Variants in EEIG1 observed in about 807,000 individuals in gnomAD.
EEIG1 encodes estrogen-induced osteoclastogenesis regulator 1, also known as early estrogen-induced gene 1 protein.
the EEIG1 span, among the ~76,000 whole-genome samples, chr9:127,958,756 A>G: frequency 3.3e-5 from 5 of 152,194 alleles, no homozygotes; most frequent in African/African-American, 9.7e-5. Context: ...ACCACAAAAT[A>G]AGAAAAAATA....
the EEIG1 span, among the ~76,000 whole-genome samples, chr9:127,977,635 G>T: frequency 3.3e-5 from 5 of 152,220 alleles, no homozygotes; most frequent in African/African-American, 7.2e-5. Context: ...TGCTGCGGCA[G>T]TGTGCCTGGG....
chr9:127,949,720 G>A, the EEIG1 span, among the ~76,000 whole-genome samples: 18 of 152,198 alleles, frequency 1.2e-4, no homozygotes, highest in Admixed American at 1.2e-3. Context: ...GCTCTCCCTG[G>A]GTCCCCTTGC....
At chr9:127,967,434 G>C in the EEIG1 span, among the ~76,000 whole-genome samples, 1 of 152,222 alleles carries the variant, frequency 6.6e-6, no homozygotes, top group Admixed American at 6.5e-5. Context: ...AGGTCTACTG[G>C]CCGGGAGAGG....
chr9:127,941,596 G>C, the EEIG1 span: 1 of 152,134 alleles, frequency 6.6e-6, no homozygotes, highest in African/African-American at 2.4e-5. Flanking sequence ...TGCTGGAAAT[G>C]CTCTGTTCCC....
At chr9:127,949,174 C>T in the EEIG1 span, among the ~76,000 whole-genome samples, 10 of 151,864 alleles carry the variant, frequency 6.6e-5, no homozygotes, top group Non-Finnish European at 1.2e-4. Context: ...ATTAGCCGGG[C>T]GTGGTGGCGG....
the EEIG1 span, among the ~76,000 whole-genome samples, chr9:127,971,535 G>A: frequency 6.6e-6 from 1 of 150,606 alleles, no homozygotes; most frequent in African/African-American, 2.5e-5. Flanking sequence ...GGCCTGAAGA[G>A]GGAATGCGGG....
At chr9:127,973,192 T>C in the EEIG1 span, among the ~76,000 whole-genome samples, 1 of 152,150 alleles carries the variant, frequency 6.6e-6, no homozygotes, top group Admixed American at 6.5e-5. The surrounding 1 kb of genome is among the most constrained non-coding windows in gnomAD (Gnocchi z 4.2). Context: ...GCAGGGTCAC[T>C]GCATAGCAGT....
At chr9:127,962,732 T>C in the EEIG1 span, among the ~76,000 whole-genome samples, 1 of 152,090 alleles carries the variant, frequency 6.6e-6, no homozygotes, top group Non-Finnish European at 1.5e-5. Context: ...AAATAAGATG[T>C]TTATTAAGAA....
chr9:127,980,520 G>C, the EEIG1 span: 1 of 153,170 alleles, frequency 6.5e-6, no homozygotes, highest in Non-Finnish European at 1.5e-5. Flanking sequence ...GCGGCCGGGC[G>C]GACCGGTGAG....
the EEIG1 span, among the ~76,000 whole-genome samples, chr9:127,966,344 G>A: frequency 1.3e-4 from 19 of 151,834 alleles, no homozygotes; most frequent in East Asian, 5.8e-4. Flanking sequence ...ATGGTGGTGC[G>A]TACCTGTAAT....
chr9:127,971,008 A>G, the EEIG1 span, among the ~76,000 whole-genome samples: 1 of 152,180 alleles, frequency 6.6e-6, no homozygotes, highest in East Asian at 1.9e-4. Flanking sequence ...AAGGAGCCCA[A>G]GAATTTGTCT....
chr9:127,964,372 A>G, the EEIG1 span, among the ~76,000 whole-genome samples: 1 of 152,194 alleles, frequency 6.6e-6, no homozygotes, highest in Non-Finnish European at 1.5e-5. Context: ...AGGTGCAACA[A>G]GAAGATCCCA....
At chr9:127,945,533 TG>T in the EEIG1 span, 2 of 1,566,566 alleles carry the variant, frequency 1.3e-6, no homozygotes, top group Admixed American at 1.9e-5. This position sits in a 1 kb window ranked among gnomAD's most constrained non-coding sequence, Gnocchi z 6.5. Context: ...TCTGAGAGGC[TG>T]GAGGAGCGCG....
chr9:127,957,115 G>T, the EEIG1 span, among the ~76,000 whole-genome samples: 1 of 152,130 alleles, frequency 6.6e-6, no homozygotes, highest in Admixed American at 6.5e-5. Context: ...TATAGTTCCA[G>T]CTACTCAGGA....
chr9:127,945,845 C>T, the EEIG1 span: 4 of 845,456 alleles, frequency 4.7e-6, no homozygotes, highest in South Asian at 4.7e-5. This position sits in a 1 kb window ranked among gnomAD's most constrained non-coding sequence, Gnocchi z 6.5. Flanking sequence ...ACAGAGCCTC[C>T]CATGGCAGGG....
At chr9:127,973,082 C>A in the EEIG1 span, among the ~76,000 whole-genome samples, 7 of 152,134 alleles carry the variant, frequency 4.6e-5, no homozygotes, top group Admixed American at 2.0e-4. This position sits in a 1 kb window ranked among gnomAD's most constrained non-coding sequence, Gnocchi z 4.2. Context: ...TGTCTCTCCC[C>A]TGCTTAAACC....
chr9:127,966,895 C>A, the EEIG1 span, among the ~76,000 whole-genome samples: 2 of 152,178 alleles, frequency 1.3e-5, no homozygotes, highest in Non-Finnish European at 2.9e-5. Context: ...TACTCCCAGG[C>A]CCCCCTTCAG....
chr9:127,963,217 G>A, the EEIG1 span, among the ~76,000 whole-genome samples: 1 of 152,220 alleles, frequency 6.6e-6, no homozygotes, highest in Non-Finnish European at 1.5e-5. Context: ...TATGGGTTAG[G>A]AAGGCTGCTT....
chr9:127,969,651 A>G, the EEIG1 span, among the ~76,000 whole-genome samples: 3 of 152,110 alleles, frequency 2.0e-5, no homozygotes, highest in Non-Finnish European at 4.4e-5. Flanking sequence ...CCCACAGCCC[A>G]GCAGGCCCTG....
Sources: gnomAD v4.1 joint callset for allele counts (sites outside exome capture counted in the v4.1 genomes callset) on GRCh38, gnomAD v4.1.1 for gene constraint, Gnocchi (gnomAD v3.1) non-coding constraint, MANE v1.5 for transcripts, NCBI Gene and HGNC (gene_info 2026-07-23, HGNC 2026-07-21) for gene names.